FBXO34: variants seen among roughly 807,000 people sequenced by gnomAD.
FBXO34 encodes F-box protein 34, also known as F-box only protein 34.
A neutral mutation model predicts 24.5 loss-of-function variants in FBXO34; 12 were observed. That is an observed-to-expected ratio of 0.49 (90% CI 0.31 to 0.79). The LOEUF (loss-of-function observed/expected upper bound fraction) is 0.79, where lower values mean the gene tolerates loss of function less well. FBXO34 is among the 30% of genes least tolerant of loss of function. The pLI is 0.04. For missense variants in FBXO34, 823 were observed against 857.7 expected (o/e 0.96, Z 0.51); for synonymous variants, 320 against 311.9 (o/e 1.03, Z -0.27).
rs538721353 is a variant in FBXO34, at chr14:55,289,867, A to C, written c.-11+18330A>C. 1.2e-4 allele frequency among the ~76,000 whole-genome samples: 18 copies of C among 152,268 alleles called. No individual in the cohort carries two copies. In the South Asian group the frequency reaches 3.7e-3, roughly 32 times the overall value. On this transcript the variant is annotated intron_variant, in intron 1 of 1. Coordinates refer to ENST00000313833, the MANE Select transcript of FBXO34 (RefSeq NM_017943.4). The stretch of plus-strand genomic sequence containing the variant: ...CAGTCACTGTCTACCTTTAAAAAAA[A>C]AAACAAGTATGGTAGCATACTCTGT...
chr14:55,316,393 A>C (rs112827219), intron 1 of FBXO34, among the ~76,000 whole-genome samples: 1,694 of 151,188 alleles, frequency 0.011, 14 homozygotes, highest in Middle Eastern at 0.027. Context: ...TCGAGACCAG[A>C]CTGGGCAAAA....
At chr14:55,391,115 G>A in the FBXO34 span, 2 of 633,366 alleles carry the variant, frequency 3.2e-6, no homozygotes, top group East Asian at 6.1e-5. Context: ...AAGACCTTAT[G>A]TTATAGCTTT....
the FBXO34 span, among the ~76,000 whole-genome samples, chr14:55,402,968 T>TATAA: frequency 2.3e-4 from 14 of 60,976 alleles, no homozygotes; most frequent in East Asian, 2.9e-3. Flanking sequence ...TATATATATA[T>TATAA]AAATAGCTGG....
downstream of FBXO34, chr14:55,369,777 G>T: frequency 1.9e-6 from 3 of 1,614,188 alleles, no homozygotes; most frequent in Non-Finnish European, 2.5e-6. Context: ...CAAAACCGGG[G>T]ACTAGGCAAG....
chr14:55,365,708 A>G (rs898601566), downstream of FBXO34, among the ~76,000 whole-genome samples: 2 of 152,146 alleles, frequency 1.3e-5, no homozygotes, highest in African/African-American at 4.8e-5. Flanking sequence ...ACCAAAGCAC[A>G]CACCCTGTTC....
intron 1 of FBXO34, among the ~76,000 whole-genome samples, chr14:55,292,341 A>AT (rs951205239): frequency 8.6e-5 from 13 of 152,040 alleles, no homozygotes; most frequent in Admixed American, 7.2e-4. Flanking sequence ...ACTGGGTAGT[A>AT]TTATAAGCTG....
the FBXO34 span, chr14:55,411,882 G>C: frequency 6.9e-7 from 1 of 1,459,160 alleles, no homozygotes; most frequent in Non-Finnish European, 9.3e-7. Context: ...TGCATTCTGG[G>C]CCAGGAGGAG....
chr14:55,338,641 C>G (rs1490003620), intron 1 of FBXO34, among the ~76,000 whole-genome samples: 8 of 152,000 alleles, frequency 5.3e-5, no homozygotes, highest in African/African-American at 1.7e-4. Flanking sequence ...AGGCGTGGTG[C>G]CTCACGCCTG....
chr14:55,387,362 T>G, the FBXO34 span, among the ~76,000 whole-genome samples: 1 of 152,100 alleles, frequency 6.6e-6, no homozygotes, highest in Non-Finnish European at 1.5e-5. Flanking sequence ...CAGTTATCAC[T>G]CCCTAACACT....
the FBXO34 span, chr14:55,411,631 G>A: frequency 3.1e-6 from 5 of 1,612,540 alleles, no homozygotes; most frequent in Admixed American, 1.7e-5. Context: ...CGAAGTAGAC[G>A]AAATCGCCGC....
the FBXO34 span, among the ~76,000 whole-genome samples, chr14:55,393,467 A>C: frequency 6.6e-6 from 1 of 152,180 alleles, no homozygotes; most frequent in East Asian, 1.9e-4. Flanking sequence ...AGAAAAACAG[A>C]AAATGTGACT....
intron 1 of FBXO34, among the ~76,000 whole-genome samples, chr14:55,288,627 G>A (rs986274688): frequency 1.7e-4 from 26 of 152,178 alleles, no homozygotes; most frequent in Admixed American, 2.0e-4. Flanking sequence ...TTTAGAAACT[G>A]TACTCCTCTA....
downstream of FBXO34, chr14:55,354,667 A>G (rs1277255860): frequency 6.6e-6 from 1 of 152,288 alleles, no homozygotes; most frequent in Admixed American, 6.5e-5. Flanking sequence ...ACTATGTGGC[A>G]GGACCTGGTT....
chr14:55,380,234 C>T, the FBXO34 span, among the ~76,000 whole-genome samples: 23 of 150,604 alleles, frequency 1.5e-4, no homozygotes, highest in Non-Finnish European at 2.8e-4. Context: ...GGCGACAGAG[C>T]GAGACTCTGT....
At chr14:55,381,699 A>C in the FBXO34 span, among the ~76,000 whole-genome samples, 1 of 152,234 alleles carries the variant, frequency 6.6e-6, no homozygotes, top group Non-Finnish European at 1.5e-5. Flanking sequence ...CAGAACAGGC[A>C]AATCTATAGA....
At chr14:55,431,537 T>A in the FBXO34 span, among the ~76,000 whole-genome samples, 10 of 152,344 alleles carry the variant, frequency 6.6e-5, no homozygotes, top group African/African-American at 2.4e-4. Context: ...GTTTTCCCTG[T>A]TCTATTGCTG....
chr14:55,411,554 G>A, the FBXO34 span: 4 of 1,544,252 alleles, frequency 2.6e-6, no homozygotes, highest in South Asian at 4.7e-5. Flanking sequence ...CTGCCTGGCT[G>A]GAGGACACAC....
intron 1 of FBXO34, among the ~76,000 whole-genome samples, chr14:55,331,404 A>G (rs1594755545): frequency 6.6e-6 from 1 of 151,840 alleles, no homozygotes; most frequent in East Asian, 1.9e-4. Context: ...GAAGAAATGT[A>G]TTGAGGTTCT....
chr14:55,350,914 A>G lies in FBXO34; in HGVS notation c.524A>G (p.Tyr175Cys), dbSNP rs747423875. The G allele has an allele frequency of 6.8e-6, 11 of 1,613,900 alleles. No homozygotes were observed. The highest frequency in any genetic ancestry group is 2.2e-5 in the East Asian group (1 of 44,880). The stretch of plus-strand genomic sequence containing the variant: ...ATGAGGGAGGTTAACAGCAGGTGCT[A>G]CCAACCTGAGCCTTTTGCATGTGGC... The part of the protein sequence containing the change: ...ERMREVNSRC[Y>C]QPEPFACGIE... The change falls in exon 2 of 2, where the codon TAC (tyrosine) becomes TGC (cysteine). Residue 175 changes from tyrosine (Y) to cysteine (C), a missense_variant. Tyr to Cys is a radical substitution (Grantham distance 194, BLOSUM62 -2). Transcript: ENST00000313833.
Sources: allele counts gnomAD v4.1 joint callset (sites outside exome capture counted in the v4.1 genomes callset), GRCh38; gene constraint gnomAD v4.1.1; transcripts MANE v1.5; gene names NCBI Gene and HGNC (gene_info 2026-07-23, HGNC 2026-07-21).